Variants in CADPS2 observed in about 807,000 individuals in gnomAD.
CADPS2 encodes the protein calcium-dependent secretion activator 2.
Under a neutral mutation model 172.5 loss-of-function variants are expected in CADPS2, and 93 were observed. That is an observed-to-expected ratio of 0.54 (90% confidence interval 0.46 to 0.64). The LOEUF (loss-of-function observed/expected upper bound fraction) is 0.64. Among genes scored for constraint, CADPS2 ranks in the 30% least tolerant of loss-of-function variants. CADPS2 has a pLI of 0.00. For missense variants in CADPS2, 1,420 were observed against 1,565.9 expected (o/e 0.91, Z 1.57); for synonymous variants, 546 against 555.2 (o/e 0.98, Z 0.23).
chr7:122,789,269 T>C (rs967792369), intron 1 of CADPS2, among the ~76,000 whole-genome samples: 3 of 152,146 alleles, frequency 2.0e-5, no homozygotes, highest in East Asian at 3.9e-4. Context: ...GCTCAGTGTT[T>C]TTATACTCTT....
intron 8 of CADPS2, among the ~76,000 whole-genome samples, chr7:122,514,887 C>T (rs973475615): frequency 6.6e-6 from 1 of 152,036 alleles, no homozygotes; most frequent in Non-Finnish European, 1.5e-5. Flanking sequence ...CAAAACTACA[C>T]ACATAGTTAA....
intron 1 of CADPS2, among the ~76,000 whole-genome samples, chr7:122,819,426 G>A (rs1191836591): frequency 6.6e-6 from 1 of 152,128 alleles, no homozygotes; most frequent in East Asian, 1.9e-4. Context: ...AAGCCCCCTA[G>A]ACCATCACGG....
At chr7:122,402,870 TA>T (rs1163830910) in intron 20 of CADPS2, among the ~76,000 whole-genome samples, 7 of 152,226 alleles carry the variant, frequency 4.6e-5, no homozygotes, top group African/African-American at 1.7e-4. Flanking sequence ...TCTGTCCTAT[TA>T]CCTTTGGCTA....
At chr7:122,414,825 T>G (rs2047699483) in intron 18 of CADPS2, among the ~76,000 whole-genome samples, 1 of 152,332 alleles carries the variant, frequency 6.6e-6, no homozygotes, top group Admixed American at 6.5e-5. Flanking sequence ...GTTTCTTAGA[T>G]TTTTTAGAAC....
chr7:122,412,767 G>T (rs1204601835), intron 19 of CADPS2: 1 of 152,146 alleles, frequency 6.6e-6, no homozygotes, highest in Non-Finnish European at 1.5e-5. Flanking sequence ...CTCCCTCTCA[G>T]CCCTTCTACT....
At chr7:122,547,003 G>A (rs2063691051) in intron 8 of CADPS2, among the ~76,000 whole-genome samples, 1 of 151,714 alleles carries the variant, frequency 6.6e-6, no homozygotes. Flanking sequence ...AGGGGTCACT[G>A]TAGCAGAAAG....
chr7:122,393,113 C>A, intron 22 of CADPS2, 83 bp downstream of exon 22: 1 of 1,424,568 alleles, frequency 7.0e-7, no homozygotes, highest in Non-Finnish European at 9.4e-7. Context: ...AAATGCCATG[C>A]AGTCTAAACA....
intron 8 of CADPS2, among the ~76,000 whole-genome samples, chr7:122,546,700 A>G (rs1368864126): frequency 1.3e-5 from 2 of 151,960 alleles, no homozygotes; most frequent in African/African-American, 2.4e-5. Context: ...TTTCATCCCG[A>G]CTTTGGCCCA....
At chr7:122,505,231 A>G (rs1171162554) in intron 9 of CADPS2, among the ~76,000 whole-genome samples, 1 of 152,188 alleles carries the variant, frequency 6.6e-6, no homozygotes, top group Non-Finnish European at 1.5e-5. Context: ...TTAGTTGTCA[A>G]AAGACATGTG....
chr7:122,665,489 T>C (rs1183956965), intron 2 of CADPS2, among the ~76,000 whole-genome samples: 1 of 152,164 alleles, frequency 6.6e-6, no homozygotes, highest in African/African-American at 2.4e-5. Context: ...AAGCCTGTCA[T>C]AAGTTAAAAA....
chr7:122,366,100 GT>G (rs769272635), intron 25 of CADPS2, among the ~76,000 whole-genome samples: 21 of 141,782 alleles, frequency 1.5e-4, no homozygotes, highest in Admixed American at 1.4e-4. Flanking sequence ...TAGCTGTTTT[GT>G]TTTTTTTTTT....
At chr7:122,406,883 A>C (rs1440057404) in intron 20 of CADPS2, among the ~76,000 whole-genome samples, 1 of 152,166 alleles carries the variant, frequency 6.6e-6, no homozygotes, top group Non-Finnish European at 1.5e-5. Context: ...AAACTTAAAA[A>C]AGCATCACAG....
chr7:122,530,176 G>A (rs2061636071), intron 8 of CADPS2, among the ~76,000 whole-genome samples: 1 of 152,038 alleles, frequency 6.6e-6, no homozygotes, highest in Non-Finnish European at 1.5e-5. Context: ...ATGAACACAG[G>A]TGAGTAAATG....
At chr7:122,336,098 T>C (rs572615962) in intron 28 of CADPS2, among the ~76,000 whole-genome samples, 105 of 152,348 alleles carry the variant, frequency 6.9e-4, no homozygotes, top group Middle Eastern at 3.4e-3. Context: ...TAGGTGTTTA[T>C]ATGAAAGCTT....
Position 122,701,940 on chromosome 7 carries a change from C to G in CADPS2, c.453+35015G>C. On this transcript the variant is annotated intron_variant, in intron 2 of 29. Transcript: ENST00000449022. ...AAATGTTTGCAAGTTAAAATGCGTA[C>G]TACATCTTGGGGTTTGTATGTGTCA... 1 of 1,613,650 alleles carries G rather than the reference C, an allele frequency of 6.2e-7. No individual in the cohort carries two copies. Among genetic ancestry groups the G allele is most frequent in the Admixed American group, 1.7e-5 (1 of 59,952 alleles).
intron 2 of CADPS2, among the ~76,000 whole-genome samples, chr7:122,694,191 T>C (rs182974580): frequency 6.6e-6 from 1 of 152,284 alleles, no homozygotes; most frequent in East Asian, 1.9e-4. Flanking sequence ...TTACAATTGC[T>C]TCTAGGCTGA....
At position 122,864,293 on chromosome 7, in the gene CADPS2, G is replaced by C. The variant is rs375081835; in HGVS notation, c.339+21706C>G. Among the ~76,000 whole-genome samples the C allele has an allele frequency of 5.3e-5, 8 of 151,962 alleles. No individual in the cohort carries two copies. The East Asian group carries it at 7.7e-4, about 15-fold the overall frequency. Reference sequence around the variant, plus strand: ...ATGGAGGCAGCAAGGCTAAAAATGTGTTATCTGTCATACACCAAAAATACA... The same window carrying C: ...ATGGAGGCAGCAAGGCTAAAAATGTCTTATCTGTCATACACCAAAAATACA... On this transcript the variant is annotated intron_variant, in intron 1 of 29. Transcript: ENST00000449022.
At chr7:122,422,439 T>C (rs1406643039) in intron 17 of CADPS2, among the ~76,000 whole-genome samples, 2 of 152,158 alleles carry the variant, frequency 1.3e-5, no homozygotes, top group Non-Finnish European at 2.9e-5. Context: ...GAAGAAATGG[T>C]GGAATGGATC....
At chr7:122,852,820 G>A (rs574740603) in intron 1 of CADPS2, among the ~76,000 whole-genome samples, 9 of 152,092 alleles carry the variant, frequency 5.9e-5, no homozygotes, top group Non-Finnish European at 8.8e-5. Flanking sequence ...GAAGCAATCC[G>A]ACTTCTGTTA....
Sources: allele counts gnomAD v4.1 joint callset (sites outside exome capture counted in the v4.1 genomes callset), GRCh38; gene constraint gnomAD v4.1.1; transcripts MANE v1.5; gene names NCBI Gene and HGNC (gene_info 2026-07-23, HGNC 2026-07-21).